The following RIPOR2 variants were observed in gnomAD, a reference collection of about 807,000 sequenced individuals.
RIPOR2 encodes rho family-interacting cell polarization regulator 2.
In RIPOR2, 39 loss-of-function variants were observed where a neutral mutation model predicts 114.5. That is an observed-to-expected ratio of 0.34 (90% CI 0.26 to 0.44). The LOEUF (loss-of-function observed/expected upper bound fraction) is 0.44, where lower values mean the gene tolerates loss of function less well. Among genes scored for constraint, RIPOR2 ranks in the 20% least tolerant of loss-of-function variants. RIPOR2 has a pLI of 1.00. For synonymous variants in RIPOR2, 445 were observed against 484.4 expected (o/e 0.92, Z 1.07); for missense variants, 1,007 against 1,255.1 (o/e 0.80, Z 2.99).
intron 1 of RIPOR2, among the ~76,000 whole-genome samples, chr6:24,887,219 T>G (rs1217278300): frequency 6.6e-6 from 1 of 152,220 alleles, no homozygotes; most frequent in Non-Finnish European, 1.5e-5. Flanking sequence ...TTTTCCCAAA[T>G]GTCTTATCTC....
At chr6:24,851,375 T>C (rs1306410410) in intron 9 of RIPOR2, among the ~76,000 whole-genome samples, 1 of 152,186 alleles carries the variant, frequency 6.6e-6, no homozygotes, top group African/African-American at 2.4e-5. Flanking sequence ...GATGAGGAAG[T>C]ATCAGCTAAA....
At chr6:25,029,666 G>C (rs1776824767) in intron 1 of RIPOR2, among the ~76,000 whole-genome samples, 1 of 151,940 alleles carries the variant, frequency 6.6e-6, no homozygotes. Context: ...TGGGAGTGAG[G>C]GCGAAGGAAA....
intron 1 of RIPOR2, among the ~76,000 whole-genome samples, chr6:24,950,353 C>T (rs1772684968): frequency 6.6e-6 from 1 of 152,204 alleles, no homozygotes; most frequent in Non-Finnish European, 1.5e-5. Flanking sequence ...CTTCCTCCCT[C>T]CCTCCCTCCT....
chr6:24,874,395 G>A (rs766517255), intron 2 of RIPOR2, among the ~76,000 whole-genome samples: 10 of 152,296 alleles, frequency 6.6e-5, no homozygotes, highest in Middle Eastern at 3.4e-3. Flanking sequence ...ACAGGCATGA[G>A]CCACTGTGCC....
rs1341334676 is a variant in RIPOR2, at chr6:24,835,744, T to C, written c.2167A>G (p.Thr723Ala). 6.4e-7 allele frequency: 1 copy of C among 1,551,518 alleles called. No individual in the cohort carries two copies. Among genetic ancestry groups the C allele is most frequent in the Non-Finnish European group, 8.7e-7 (1 of 1,146,974 alleles). ...LTTGNESLDI[T>A]IVRHLQYCTQ... Reference sequence around the variant, plus strand: ...CAGTACTGGAGGTGCCTGACGATGGTGATGTCCAGGCTCTCGTTGCCTGTG... The same window carrying C: ...CAGTACTGGAGGTGCCTGACGATGGCGATGTCCAGGCTCTCGTTGCCTGTG... Residue 723 changes from threonine (T) to alanine (A), a missense_variant, in exon 15 of 22, where the codon ACC (threonine) becomes GCC (alanine). By Grantham distance (58) the Thr-to-Ala change is moderately conservative. Transcript: ENST00000643898.
At chr6:24,890,115 G>A (rs1402213459) in intron 1 of RIPOR2, among the ~76,000 whole-genome samples, 6 of 151,804 alleles carry the variant, frequency 4.0e-5, no homozygotes, top group African/African-American at 9.7e-5. Context: ...GGCTGGTCTC[G>A]AACTCCTGAT....
chr6:24,955,188 T>C (rs1457161378), intron 1 of RIPOR2, among the ~76,000 whole-genome samples: 1 of 152,224 alleles, frequency 6.6e-6, no homozygotes. Context: ...CAATTTATAA[T>C]ACCTGTCCAT....
chr6:24,873,528 C>T (rs1765414577), intron 3 of RIPOR2, 116 bp downstream of exon 3: 2 of 920,100 alleles, frequency 2.2e-6, no homozygotes, highest in African/African-American at 1.7e-5. Context: ...AATTGTGGTA[C>T]AAGAATAAAA....
intron 1 of RIPOR2, among the ~76,000 whole-genome samples, chr6:24,879,717 G>C (rs1766172366): frequency 6.6e-6 from 1 of 152,254 alleles, no homozygotes; most frequent in South Asian, 2.1e-4. Context: ...GTAGTTCTTC[G>C]CTACTATTCT....
intron 1 of RIPOR2, among the ~76,000 whole-genome samples, chr6:24,884,721 G>T (rs1379688974): frequency 1.3e-5 from 2 of 152,158 alleles, no homozygotes; most frequent in Non-Finnish European, 2.9e-5. Flanking sequence ...TAACAGGCAA[G>T]CATTGTAAGG....
At chr6:24,982,225 A>G (rs930685078) in intron 1 of RIPOR2, among the ~76,000 whole-genome samples, 10 of 152,240 alleles carry the variant, frequency 6.6e-5, no homozygotes, top group African/African-American at 1.9e-4. Flanking sequence ...TCAAAATTCC[A>G]TTTTCCAAAG....
chr6:24,821,240 T>C (rs1227740485), intron 19 of RIPOR2, among the ~76,000 whole-genome samples: 2 of 142,292 alleles, frequency 1.4e-5, no homozygotes, highest in African/African-American at 5.3e-5. Flanking sequence ...TGGAGTGCAA[T>C]GGTGCAATCT....
chr6:24,807,427 G>T (rs1474016282), intron 21 of RIPOR2, among the ~76,000 whole-genome samples: 1 of 152,192 alleles, frequency 6.6e-6, no homozygotes. Context: ...AGACGAGATT[G>T]CATCATTGCA....
In RIPOR2 at chr6:24,822,125, CAG is replaced by C. The variant is rs1351438781; in HGVS notation, c.2868+3099_2868+3100del. 5.3e-5 allele frequency among the ~76,000 whole-genome samples: 8 copies of C among 152,280 alleles called. No individual in the cohort carries two copies. In the South Asian group the frequency reaches 1.2e-3, roughly 24 times the overall value. ...TAAAATCCAAAACAAACCTGAGAGACAGAGAAATGGGCAGGGGAAAATAGAGA... is the reference window on the plus strand; with the variant it reads ...TAAAATCCAAAACAAACCTGAGAGACAGAAATGGGCAGGGGAAAATAGAGA... On this transcript the variant is annotated intron_variant, in intron 19 of 21. Coordinates refer to ENST00000643898, the MANE Select transcript of RIPOR2 (RefSeq NM_001286445.3).
rs564023283 is a variant in RIPOR2, at chr6:24,974,370, C to CA, written c.76+67480dup. ...TGGGTGACAGAGCAGCATCCTGTCT[C>CA]AAAACCAAAAAACAAACAAACAAAA... On this transcript the variant is annotated intron_variant, in intron 1 of 13. Coordinates refer to the RIPOR2 transcript ENST00000510784. Among the ~76,000 whole-genome samples, 351 of 137,904 alleles carry CA rather than the reference C, an allele frequency of 2.5e-3. 2 individuals are homozygous for CA. The highest frequency in any genetic ancestry group is 0.011 in the African/African-American group (323 of 30,724). 90.5% of individuals were successfully genotyped at this position (137,904 alleles called of 152,430 possible).
intron 4 of RIPOR2, among the ~76,000 whole-genome samples, chr6:24,872,479 A>G (rs1441164853): frequency 1.3e-5 from 2 of 152,172 alleles, no homozygotes; most frequent in Admixed American, 6.5e-5. Context: ...TTGGCTTCCC[A>G]AAGTGTTGGG....
At position 24,804,621 on chromosome 6, in the gene RIPOR2, G is replaced by C. The variant is rs957684815; in HGVS notation, c.*1752C>G. 2.6e-5 allele frequency: 4 copies of C among 152,096 alleles called. No homozygotes were observed. Among genetic ancestry groups the C allele is most frequent in the African/African-American group, 9.7e-5 (4 of 41,440 alleles). 9.4% of individuals were successfully genotyped at this position (152,096 alleles called of 1,614,324 possible). A position where few individuals can be genotyped will look rare whatever the true frequency, so the allele number is the denominator to read the frequency against. ...TATATATAATATTTATAAATATACA[G>C]ATATGTACACGATAAGTTCACAGTT... On this transcript the variant is annotated 3_prime_UTR_variant, in exon 22 of 22. Transcript: ENST00000643898.
In RIPOR2 at chr6:24,935,806, C is replaced by T. The variant is rs59308637; in HGVS notation, c.61+32G>A. On this transcript the variant is annotated intron_variant, in intron 1 of 21. Transcript: ENST00000643898. ...GGTGTCAAAACAAAGCAAAGCAGAC[C>T]GGAGAGCCTCCTGCCAGAAAGATGC... is the stretch of plus-strand genomic sequence containing the variant. 200 of 1,495,008 alleles carry T rather than the reference C, an allele frequency of 1.3e-4. 1 individual carries two copies. In the African/African-American group the frequency reaches 2.1e-3, roughly 16 times the overall value. The allele number at this position is 1,495,008 out of a possible 1,614,324, so 92.6% of individuals were successfully genotyped here. A position where few individuals can be genotyped will look rare whatever the true frequency, so the allele number is the denominator to read the frequency against.
chr6:24,983,729 C>T (rs1030725993), intron 1 of RIPOR2, among the ~76,000 whole-genome samples: 29 of 127,882 alleles, frequency 2.3e-4, no homozygotes, highest in Admixed American at 2.9e-4. Context: ...TACACTCCAG[C>T]CTGGGCAACA....
Sources: gnomAD v4.1 joint callset for allele counts (sites outside exome capture counted in the v4.1 genomes callset) on GRCh38, gnomAD v4.1.1 for gene constraint, MANE v1.5 for transcripts, NCBI Gene and HGNC (gene_info 2026-07-23, HGNC 2026-07-21) for gene names.